The following SNX25 variants were observed in gnomAD, a reference collection of about 807,000 sequenced individuals.
SNX25 encodes the protein sorting nexin-25.
A neutral mutation model predicts 113.7 loss-of-function variants in SNX25; 62 were observed. That is an observed-to-expected ratio of 0.55 (90% confidence interval 0.44 to 0.67). The LOEUF (loss-of-function observed/expected upper bound fraction) is 0.67, where lower values mean the gene tolerates loss of function less well. Among genes scored for constraint, SNX25 ranks in the 30% least tolerant of loss-of-function variants. The pLI, the probability that SNX25 is intolerant of heterozygous loss-of-function variation, is 0.00. For missense variants in SNX25, 1,014 were observed against 1,161.0 expected, an observed-to-expected ratio of 0.87 and a Z score of 1.84; for synonymous variants, 421 against 436.2, an observed-to-expected ratio of 0.97 and a Z score of 0.43.
At chr4:185,310,460 T>C (rs1755089296) in intron 6 of SNX25, among the ~76,000 whole-genome samples, 175 bp from the exon 7 acceptor site, 1 of 152,220 alleles carries the variant, frequency 6.6e-6, no homozygotes, top group East Asian at 1.9e-4. Context: ...TTAGAAATGA[T>C]TGGCATTTTT....
At chr4:185,299,583 T>TA (rs1181513144) in intron 6 of SNX25, among the ~76,000 whole-genome samples, 2 of 152,176 alleles carry the variant, frequency 1.3e-5, no homozygotes, top group Non-Finnish European at 2.9e-5. Context: ...CTGCAGATGA[T>TA]ACAGAGCCAC....
rs1261987091 is a variant in SNX25 at position 185,277,936 on chromosome 4, T to G, written c.1092-10076T>G. The stretch of plus-strand genomic sequence containing the variant: ...TTTAGTAGAGACGGGGTTTCACCGT[T>G]TTAGCCGGGATGGTCTCGATCTCCT... On this transcript the variant is annotated intron_variant, in intron 5 of 18. Coordinates refer to ENST00000652585, the MANE Select transcript of SNX25 (RefSeq NM_001378034.2). Among the ~76,000 whole-genome samples the G allele has an allele frequency of 1.0e-3, 54 of 53,142 alleles. 16 individuals carry two copies. The highest frequency in any genetic ancestry group is 0.014 in the Middle Eastern group (2 of 140). 34.9% of individuals were successfully genotyped at this position (53,142 alleles called of 152,430 possible).
At chr4:185,258,745 A>G in intron 2 of SNX25, 103 bp from the exon 3 acceptor site, 2 of 862,326 alleles carry the variant, frequency 2.3e-6, no homozygotes, top group Non-Finnish European at 3.6e-6. Context: ...TTAATTTTAA[A>G]CAGTGAATAT....
chr4:185,252,699 A>G (rs1343758954), intron 2 of SNX25, among the ~76,000 whole-genome samples: 1 of 151,928 alleles, frequency 6.6e-6, no homozygotes. Context: ...TTTTGTCACT[A>G]AATTTGTGCT....
At chr4:185,247,470 T>C in intron 2 of SNX25, 92 bp downstream of exon 2, 2 of 982,446 alleles carry the variant, frequency 2.0e-6, no homozygotes, top group South Asian at 1.4e-5. Context: ...TTTATTCTTC[T>C]TGTCTGCATG....
intron 1 of SNX25, among the ~76,000 whole-genome samples, chr4:185,223,949 G>A (rs1740425138): frequency 6.6e-6 from 1 of 152,056 alleles, no homozygotes; most frequent in Non-Finnish European, 1.5e-5. Flanking sequence ...GGTACAGTTC[G>A]GTAGAAAAGC....
chr4:185,223,598 G>A (rs897111757), intron 1 of SNX25, among the ~76,000 whole-genome samples: 1 of 152,018 alleles, frequency 6.6e-6, no homozygotes, highest in African/African-American at 2.4e-5. Flanking sequence ...GCCTAACACG[G>A]TGAAACCCTG....
At chr4:185,378,454 T>C in the SNX25 span, 2 of 1,249,028 alleles carry the variant, frequency 1.6e-6, no homozygotes, top group East Asian at 7.6e-5. Flanking sequence ...GAGACCTGTT[T>C]GCACGTCCTG....
chr4:185,375,500 A>ATATG, the SNX25 span: 2 of 61,286 alleles, frequency 3.3e-5, no homozygotes, highest in South Asian at 6.0e-4. Context: ...ATATATATAT[A>ATATG]TATATATATA....
intron 5 of SNX25, among the ~76,000 whole-genome samples, chr4:185,281,502 G>A (rs956980269): frequency 1.1e-4 from 17 of 152,094 alleles, no homozygotes; most frequent in African/African-American, 3.9e-4. Context: ...TTAGAAACAG[G>A]ATTTGAACAC....
At chr4:185,325,029 G>A (rs2095146564) in intron 9 of SNX25, among the ~76,000 whole-genome samples, 2 of 152,172 alleles carry the variant, frequency 1.3e-5, no homozygotes, top group South Asian at 2.1e-4. Context: ...CCAGGAATGG[G>A]ATCACCAATG....
At chr4:185,343,080 G>A (rs993461369) in intron 12 of SNX25, among the ~76,000 whole-genome samples, 12 of 151,962 alleles carry the variant, frequency 7.9e-5, no homozygotes, top group South Asian at 2.1e-4. Context: ...TAGCAGAGAC[G>A]GGGTTTCACC....
At chr4:185,313,125 A>G (rs997297453) in intron 7 of SNX25, among the ~76,000 whole-genome samples, 1 of 152,220 alleles carries the variant, frequency 6.6e-6, no homozygotes, top group Non-Finnish European at 1.5e-5. Context: ...TCCTCCAATT[A>G]AAAGAAAGAT....
At chr4:185,361,897 A>C in intron 16 of SNX25, 27 bp from the exon 17 acceptor site, 1 of 1,610,074 alleles carries the variant, frequency 6.2e-7, no homozygotes, top group East Asian at 2.2e-5. Context: ...TAAAAACCTC[A>C]TCCAAGAAAT....
At chr4:185,314,783 G>A (rs541644802) in intron 7 of SNX25, among the ~76,000 whole-genome samples, 3 of 150,896 alleles carry the variant, frequency 2.0e-5, no homozygotes, top group East Asian at 3.9e-4. Flanking sequence ...ACTTGAACCC[G>A]GGAGGCGGAA....
intron 2 of SNX25, among the ~76,000 whole-genome samples, chr4:185,249,048 T>C (rs941874899): frequency 3.3e-5 from 5 of 152,240 alleles, no homozygotes; most frequent in Non-Finnish European, 5.9e-5. Context: ...ACAATATGTT[T>C]ACCCTTTCTC....
At chr4:185,221,922 C>T (rs1739929677) in intron 1 of SNX25, among the ~76,000 whole-genome samples, 1 of 152,134 alleles carries the variant, frequency 6.6e-6, no homozygotes, top group Non-Finnish European at 1.5e-5. Flanking sequence ...CCATATACTT[C>T]TCCTTCACTG....
intron 5 of SNX25, among the ~76,000 whole-genome samples, chr4:185,286,242 A>C (rs1751333343): frequency 6.6e-6 from 1 of 152,118 alleles, no homozygotes; most frequent in South Asian, 2.1e-4. Flanking sequence ...CAGCCTCCAT[A>C]GTAGCTAGGA....
chr4:185,236,596 C>G (rs1742685972), intron 1 of SNX25, among the ~76,000 whole-genome samples: 1 of 151,954 alleles, frequency 6.6e-6, no homozygotes, highest in Non-Finnish European at 1.5e-5. Flanking sequence ...ATGATATAAG[C>G]TATTCAAAAC....
Sources: allele counts gnomAD v4.1 joint callset (sites outside exome capture counted in the v4.1 genomes callset), GRCh38; gene constraint gnomAD v4.1.1; transcripts MANE v1.5; gene names NCBI Gene and HGNC (gene_info 2026-07-23, HGNC 2026-07-21).